SLC16A7: variants seen among roughly 807,000 people sequenced by gnomAD.
The protein encoded by SLC16A7 is monocarboxylate transporter 2.
SLC16A7 carries 33 observed loss-of-function variants against 34.9 expected under a neutral mutation model. The observed-to-expected ratio is 0.94, with a 90% CI of 0.72 to 1.26. The LOEUF (loss-of-function observed/expected upper bound fraction) is 1.26. SLC16A7 is among the 50% of genes most tolerant of loss of function. The pLI, the probability that SLC16A7 is intolerant of heterozygous loss-of-function variation, is 0.00. For missense variants in SLC16A7, 573 were observed against 578.1 expected, an observed-to-expected ratio of 0.99 and a Z score of 0.09; for synonymous variants, 201 against 206.6, an observed-to-expected ratio of 0.97 and a Z score of 0.23.
intron 3 of SLC16A7, among the ~76,000 whole-genome samples, chr12:59,710,542 A>G (rs1298851238): frequency 6.6e-6 from 1 of 152,168 alleles, no homozygotes; most frequent in East Asian, 1.9e-4. Context: ...AGTACAAATA[A>G]TATCAGATAG....
intron 1 of SLC16A7, among the ~76,000 whole-genome samples, chr12:59,640,119 G>T (rs1337149446): frequency 6.6e-6 from 1 of 152,130 alleles, no homozygotes; most frequent in Non-Finnish European, 1.5e-5. Flanking sequence ...CAGCTTTCAT[G>T]TTCCCTCTAG....
rs1883828627 is a variant in SLC16A7 at position 59,789,245 on chromosome 12, C to T, written c.*9566C>T. 6.6e-6 allele frequency: 1 copy of T among 152,028 alleles called. No individual in the cohort carries two copies. The highest frequency in any genetic ancestry group is 1.5e-5 in the Non-Finnish European group (1 of 67,986). The allele number at this position is 152,028 out of a possible 1,614,324, so 9.4% of individuals were successfully genotyped here. On this transcript the variant is annotated 3_prime_UTR_variant, in exon 6 of 6. Transcript: ENST00000547379. ...ATTATTAAAATGCTACTACAGTATT[C>T]TACGATGCAGGCTGAATGTATATTA...
chr12:59,738,000 T>C (rs1877797814), intron 3 of SLC16A7, among the ~76,000 whole-genome samples: 1 of 152,212 alleles, frequency 6.6e-6, no homozygotes, highest in Non-Finnish European at 1.5e-5. Context: ...TCCTGTTTTA[T>C]TTCATTATTT....
intron 1 of SLC16A7, among the ~76,000 whole-genome samples, chr12:59,613,242 C>T (rs764973141): frequency 2.0e-5 from 3 of 152,172 alleles, no homozygotes; most frequent in Non-Finnish European, 2.9e-5. Flanking sequence ...GGGAAATGCC[C>T]CTTATAAAAC....
intron 2 of SLC16A7, among the ~76,000 whole-genome samples, chr12:59,685,160 G>A (rs189508214): frequency 6.6e-6 from 1 of 152,140 alleles, no homozygotes; most frequent in African/African-American, 2.4e-5. Flanking sequence ...GATTTTAGCA[G>A]CTCCTATAGC....
At chr12:59,608,630 T>C (rs1879051576) in intron 1 of SLC16A7, among the ~76,000 whole-genome samples, 1 of 152,206 alleles carries the variant, frequency 6.6e-6, no homozygotes, top group African/African-American at 2.4e-5. Flanking sequence ...GGAGGATTTA[T>C]AGACATCAGA....
rs148500410 is a variant in SLC16A7 at position 59,666,708 on chromosome 12, C to A, written c.-31+11458C>A. Reference sequence around the variant, plus strand: ...GCCTTCCACCATGATTGTGAGGTCTCTCCAGCCATGTGGAACAGTGAGTCC... The same window carrying A: ...GCCTTCCACCATGATTGTGAGGTCTATCCAGCCATGTGGAACAGTGAGTCC... On this transcript the variant is annotated intron_variant, in intron 2 of 5. Transcript: ENST00000547379. Among the ~76,000 whole-genome samples the A allele has an allele frequency of 8.7e-3, 1,323 of 152,284 alleles. 15 individuals carry two copies. The highest frequency in any genetic ancestry group is 0.031 in the African/African-American group (1,271 of 41,566).
intron 2 of SLC16A7, among the ~76,000 whole-genome samples, chr12:59,695,369 C>T (rs1187191883): frequency 6.6e-6 from 1 of 151,838 alleles, no homozygotes; most frequent in Non-Finnish European, 1.5e-5. Flanking sequence ...AAAAAGCCAC[C>T]GATGGGTCCG....
At chr12:59,630,987 AT>A (rs1880157199) in intron 1 of SLC16A7, among the ~76,000 whole-genome samples, 2 of 151,970 alleles carry the variant, frequency 1.3e-5, no homozygotes, top group South Asian at 4.1e-4. Flanking sequence ...TTATAGCTAC[AT>A]ATTAACCTCT....
At chr12:59,725,099 A>G (rs1157940204) in intron 3 of SLC16A7, among the ~76,000 whole-genome samples, 1 of 152,068 alleles carries the variant, frequency 6.6e-6, no homozygotes, top group East Asian at 1.9e-4. Context: ...TCACAGAGAT[A>G]CTGGAAATCA....
At position 59,596,199 on chromosome 12, in the gene SLC16A7, G is replaced by A. The variant is rs1878383370; in HGVS notation, c.-167G>A. ...TCGGCTGCGGTTTGCTGGGAACGGA[G>A]GGCTGCAGCGCCCACCCTGCGCCAG... is the stretch of plus-strand genomic sequence containing the variant. On this transcript the variant is annotated 5_prime_UTR_variant, in exon 1 of 6. Coordinates refer to ENST00000547379, the MANE Select transcript of SLC16A7 (RefSeq NM_001270623.2). This position sits in a 1 kb window ranked among gnomAD's most constrained non-coding sequence, Gnocchi z 5.0. 6.6e-6 allele frequency: 1 copy of A among 152,602 alleles called. No homozygotes were observed. The highest frequency in any genetic ancestry group is 1.5e-5 in the Non-Finnish European group (1 of 68,348). The allele number at this position is 152,602 out of a possible 1,614,324, so 9.5% of individuals were successfully genotyped here.
chr12:59,761,334 G>A (rs1277042829), intron 3 of SLC16A7: 13 of 328,694 alleles, frequency 4.0e-5, no homozygotes, highest in Non-Finnish European at 5.8e-5. Context: ...TATTTGGATT[G>A]GTAAATGTAC....
intron 5 of SLC16A7, among the ~76,000 whole-genome samples, chr12:59,775,964 A>G (rs1487956010): frequency 6.6e-6 from 1 of 152,214 alleles, no homozygotes; most frequent in Non-Finnish European, 1.5e-5. Flanking sequence ...ACTGATAAGA[A>G]TATATTCATG....
chr12:59,749,625 G>A (rs1284857607), intron 3 of SLC16A7, among the ~76,000 whole-genome samples: 2 of 152,152 alleles, frequency 1.3e-5, no homozygotes, highest in African/African-American at 4.8e-5. Context: ...TATCATGGAT[G>A]TTTGGAAGAA....
intron 2 of SLC16A7, among the ~76,000 whole-genome samples, chr12:59,659,955 G>A (rs1868750094): frequency 6.6e-6 from 1 of 152,034 alleles, no homozygotes; most frequent in African/African-American, 2.4e-5. Flanking sequence ...AGAAGCCTGG[G>A]GGTAAGAGAG....
chr12:59,621,432 A>G (rs1014293308), intron 1 of SLC16A7, among the ~76,000 whole-genome samples: 3 of 151,854 alleles, frequency 2.0e-5, no homozygotes, highest in African/African-American at 7.3e-5. Flanking sequence ...ATCCTTGTTT[A>G]TGGTGTGGAT....
At chr12:59,721,352 A>G (rs1003942073) in intron 3 of SLC16A7, among the ~76,000 whole-genome samples, 5 of 151,840 alleles carry the variant, frequency 3.3e-5, no homozygotes, top group African/African-American at 9.7e-5. Context: ...TCTTTCCTGT[A>G]TCAGTATCTA....
chr12:59,737,714 GT>G (rs904750874), intron 3 of SLC16A7, among the ~76,000 whole-genome samples: 6 of 152,246 alleles, frequency 3.9e-5, no homozygotes, highest in African/African-American at 9.6e-5. Flanking sequence ...ACTCTAGCCT[GT>G]CCCTGTTACA....
intron 3 of SLC16A7, among the ~76,000 whole-genome samples, chr12:59,706,964 C>T (rs573304351): frequency 6.6e-6 from 1 of 151,904 alleles, no homozygotes; most frequent in Admixed American, 6.6e-5. Flanking sequence ...AGTTTTCAGA[C>T]CTCAGAGTCT....
Sources: allele counts gnomAD v4.1 joint callset (sites outside exome capture counted in the v4.1 genomes callset), GRCh38; gene constraint gnomAD v4.1.1; non-coding constraint Gnocchi (gnomAD v3.1); transcripts MANE v1.5; gene names NCBI Gene and HGNC (gene_info 2026-07-23, HGNC 2026-07-21).